Variants in FMNL2 observed in about 807,000 individuals in gnomAD.
The protein encoded by FMNL2 is formin-like protein 2.
FMNL2 carries 51 observed loss-of-function variants against 130.2 expected under a neutral mutation model. That is an observed-to-expected ratio of 0.39 (90% CI 0.31 to 0.49). FMNL2 has a LOEUF of 0.49. FMNL2 is among the 20% of genes least tolerant of loss of function. FMNL2 has a pLI of 0.85. For missense variants in FMNL2, 977 were observed against 1,316.2 expected (o/e 0.74, Z 3.99); for synonymous variants, 465 against 467.1 (o/e 1.00, Z 0.06).
intron 7 of FMNL2, 91 bp from the exon 8 acceptor site, chr2:152,578,797 C>A: frequency 2.1e-6 from 2 of 955,734 alleles, no homozygotes; most frequent in Non-Finnish European, 3.2e-6. Context: ...TAGGTAGATA[C>A]TTCGGGTTTT....
chr2:152,422,407 G>A (rs1236299323), intron 1 of FMNL2, among the ~76,000 whole-genome samples: 2 of 152,156 alleles, frequency 1.3e-5, no homozygotes, highest in Non-Finnish European at 2.9e-5. Context: ...TGACTTAATA[G>A]TTGATTCATT....
intron 1 of FMNL2, among the ~76,000 whole-genome samples, chr2:152,363,772 G>T (rs1487543897): frequency 6.6e-6 from 1 of 152,098 alleles, no homozygotes; most frequent in Non-Finnish European, 1.5e-5. Flanking sequence ...ATGTTGGCCA[G>T]CCTGGTCTCG....
intron 10 of FMNL2, among the ~76,000 whole-genome samples, chr2:152,611,125 G>T (rs368192047): frequency 6.6e-6 from 1 of 152,188 alleles, no homozygotes. Context: ...CGGATCACGA[G>T]GTCAGGTGTT....
At chr2:152,626,417 G>A (rs1004867321) in intron 16 of FMNL2, 108 bp from the exon 17 acceptor site, 86 of 858,416 alleles carry the variant, frequency 1.0e-4, no homozygotes, top group Admixed American at 2.5e-4. Flanking sequence ...CCAAAGACAA[G>A]TACTTAATAG....
At chr2:152,346,451 G>A (rs1682126662) in intron 1 of FMNL2, among the ~76,000 whole-genome samples, 1 of 151,866 alleles carries the variant, frequency 6.6e-6, no homozygotes, top group East Asian at 2.0e-4. Flanking sequence ...TTTGAGACCA[G>A]CCTGGGCAAC....
chr2:152,520,299 A>G (rs1221287525), intron 1 of FMNL2, among the ~76,000 whole-genome samples: 9 of 152,140 alleles, frequency 5.9e-5, no homozygotes, highest in Admixed American at 5.9e-4. Flanking sequence ...TGATTAAAAT[A>G]TTAAATATTT....
At chr2:152,643,939 C>T in intron 25 of FMNL2, 2 of 970,518 alleles carry the variant, frequency 2.1e-6, no homozygotes, top group Non-Finnish European at 2.4e-6. Flanking sequence ...TAAGAACTTA[C>T]TGTGTTCAGG....
chr2:152,606,393 AG>A (rs1217168776), intron 9 of FMNL2, among the ~76,000 whole-genome samples: 1 of 152,248 alleles, frequency 6.6e-6, no homozygotes, highest in African/African-American at 2.4e-5. Context: ...GGACATTGAC[AG>A]AATTAAAGTT....
intron 2 of FMNL2, chr2:152,539,203 G>A (rs1002474003): frequency 1.3e-5 from 2 of 152,120 alleles, no homozygotes; most frequent in South Asian, 2.1e-4. Context: ...AATTGAAAAG[G>A]CACCTCCAAA....
intron 9 of FMNL2, among the ~76,000 whole-genome samples, chr2:152,602,903 C>T (rs1435684637): frequency 6.6e-6 from 1 of 152,196 alleles, no homozygotes; most frequent in African/African-American, 2.4e-5. Flanking sequence ...AGAGCATGTT[C>T]CACCATGATG....
chr2:152,417,916 C>T (rs1008221069), intron 1 of FMNL2, among the ~76,000 whole-genome samples: 3 of 152,042 alleles, frequency 2.0e-5, no homozygotes, highest in Non-Finnish European at 4.4e-5. Context: ...TCACTGATCT[C>T]GCTGATTGAA....
intron 17 of FMNL2, 93 bp downstream of exon 17, chr2:152,626,820 G>GAC: frequency 7.7e-7 from 1 of 1,304,168 alleles, no homozygotes; most frequent in Non-Finnish European, 1.0e-6. Flanking sequence ...TCAATAGTGA[G>GAC]ACAAGACCTA....
chr2:152,551,136 T>G (rs1235325062), intron 4 of FMNL2, among the ~76,000 whole-genome samples: 2 of 124,670 alleles, frequency 1.6e-5, no homozygotes. Flanking sequence ...CAAGACTCCA[T>G]CTCACCGAAA....
intron 25 of FMNL2, among the ~76,000 whole-genome samples, chr2:152,645,691 C>T (rs763802829): frequency 2.0e-5 from 3 of 152,082 alleles, no homozygotes; most frequent in Admixed American, 6.6e-5. Flanking sequence ...TCTTTCTCGG[C>T]CTGCTTTTAA....
At chr2:152,585,932 A>T (rs1362507956) in intron 9 of FMNL2, among the ~76,000 whole-genome samples, 5 of 152,140 alleles carry the variant, frequency 3.3e-5, no homozygotes, top group South Asian at 2.1e-4. Flanking sequence ...AAAAAAAAAA[A>T]AAAAAATGCT....
At chr2:152,523,550 T>G (rs1334983228) in intron 2 of FMNL2, among the ~76,000 whole-genome samples, 1 of 152,250 alleles carries the variant, frequency 6.6e-6, no homozygotes, top group African/African-American at 2.4e-5. Flanking sequence ...TCAGCATTAC[T>G]GGTGAACAAA....
At chr2:152,568,430 G>T (rs904315237) in intron 6 of FMNL2, among the ~76,000 whole-genome samples, 1 of 152,046 alleles carries the variant, frequency 6.6e-6, no homozygotes. Context: ...GGCCAGGGTG[G>T]TCTTGAACTC....
intron 1 of FMNL2, among the ~76,000 whole-genome samples, chr2:152,474,997 C>T (rs985914272): frequency 2.6e-5 from 4 of 152,228 alleles, no homozygotes; most frequent in African/African-American, 9.6e-5. Context: ...ATAGCTTGCT[C>T]TCCAAGGTCT....
At chr2:152,551,501 A>G (rs910756540) in intron 4 of FMNL2, among the ~76,000 whole-genome samples, 1 of 152,246 alleles carries the variant, frequency 6.6e-6, no homozygotes, top group African/African-American at 2.4e-5. Flanking sequence ...GTAAAACCAC[A>G]CAACCAGATT....
Sources: allele counts gnomAD v4.1 joint callset (sites outside exome capture counted in the v4.1 genomes callset), GRCh38; gene constraint gnomAD v4.1.1; transcripts MANE v1.5; gene names NCBI Gene and HGNC (gene_info 2026-07-23, HGNC 2026-07-21).